The following SYN3 variants were observed in gnomAD, a reference collection of about 807,000 sequenced individuals.
The protein encoded by SYN3 is synapsin-3.
SYN3 carries 35 observed loss-of-function variants against 65.8 expected under a neutral mutation model. The observed-to-expected ratio is 0.53, with a 90% CI of 0.41 to 0.70. The LOEUF is 0.70. Ranked by LOEUF, SYN3 falls within the 30% of genes least tolerant of loss-of-function variation. The pLI, the probability that SYN3 is intolerant of heterozygous loss-of-function variation, is 0.00. For missense variants in SYN3, 680 were observed against 749.0 expected (o/e 0.91, Z 1.08); for synonymous variants, 270 against 292.9 (o/e 0.92, Z 0.80).
intron 3 of SYN3, among the ~76,000 whole-genome samples, chr22:32,969,655 G>A (rs1456681825): frequency 1.3e-5 from 2 of 152,120 alleles, no homozygotes; most frequent in African/African-American, 4.8e-5. Context: ...ATAATTTCAC[G>A]TGTGTGCTAA....
At chr22:32,734,548 G>A (rs1290031745) in intron 6 of SYN3, among the ~76,000 whole-genome samples, 1 of 138,434 alleles carries the variant, frequency 7.2e-6, no homozygotes, top group Non-Finnish European at 1.6e-5. Context: ...GCCCTGGGAG[G>A]ATGGCCCTGT....
intron 4 of SYN3, among the ~76,000 whole-genome samples, chr22:32,923,953 G>T (rs2050401731): frequency 1.1e-5 from 1 of 89,430 alleles, no homozygotes; most frequent in South Asian, 5.3e-4. Context: ...TTGGTTTTCT[G>T]TTCCTGTGTT....
At chr22:32,963,886 C>T (rs1209380589) in intron 3 of SYN3, among the ~76,000 whole-genome samples, 2 of 152,138 alleles carry the variant, frequency 1.3e-5, no homozygotes, top group Non-Finnish European at 2.9e-5. Flanking sequence ...TGGTTCTGTC[C>T]AATGAATGCA....
chr22:32,550,697 T>C (rs1243756939), intron 7 of SYN3, among the ~76,000 whole-genome samples: 1 of 88,366 alleles, frequency 1.1e-5, no homozygotes, highest in Non-Finnish European at 2.4e-5. Context: ...GGCCTAGAAA[T>C]GGCAAAAAAA....
intron 7 of SYN3, among the ~76,000 whole-genome samples, chr22:32,571,101 C>T (rs2058752937): frequency 6.6e-6 from 1 of 152,184 alleles, no homozygotes; most frequent in Non-Finnish European, 1.5e-5. Context: ...ATCATGACCA[C>T]AGTCCACTCC....
intron 4 of SYN3, among the ~76,000 whole-genome samples, chr22:32,892,799 A>G (rs967972088): frequency 7.2e-5 from 11 of 152,186 alleles, no homozygotes; most frequent in African/African-American, 2.4e-4. Context: ...GGGAGGCTGC[A>G]TGAATGCCAG....
chr22:32,575,889 C>A (rs1278446460), intron 7 of SYN3, among the ~76,000 whole-genome samples: 2 of 150,682 alleles, frequency 1.3e-5, no homozygotes, highest in Non-Finnish European at 2.9e-5. Context: ...CAAAACAAAA[C>A]AAACAAAAAA....
chr22:32,838,416 A>G (rs1252130280), intron 6 of SYN3, among the ~76,000 whole-genome samples: 1 of 152,138 alleles, frequency 6.6e-6, no homozygotes, highest in East Asian at 1.9e-4. Flanking sequence ...CCTGCAGAGG[A>G]GTCAGCAGGT....
chr22:32,676,252 G>A (rs1380441224), intron 6 of SYN3, among the ~76,000 whole-genome samples: 5 of 86 alleles, frequency 0.058, no homozygotes, highest in Admixed American at 0.25. Flanking sequence ...TCATTAAGGC[G>A]TATCCCAGGG....
intron 6 of SYN3, chr22:32,862,634 T>C (rs2048577937): frequency 6.6e-6 from 1 of 152,188 alleles, no homozygotes; most frequent in African/African-American, 2.4e-5. Flanking sequence ...ACAAACATTA[T>C]AAAAATCTGA....
chr22:32,541,728 G>A lies in SYN3; in HGVS notation c.775-15C>T, dbSNP rs1175872277. Reference sequence around the variant, plus strand: ...TCCACTTTGATCTGTGTGGGAGGATGAGGGGGATGAGTGCCACCCACCCCG... The same window carrying A: ...TCCACTTTGATCTGTGTGGGAGGATAAGGGGGATGAGTGCCACCCACCCCG... On this transcript the variant is annotated splice_polypyrimidine_tract_variant and intron_variant, in intron 7 of 13. Transcript: ENST00000358763. 6.2e-7 allele frequency: 1 copy of A among 1,611,534 alleles called. No homozygotes were observed. The highest frequency in any genetic ancestry group is 8.5e-7 in the Non-Finnish European group (1 of 1,178,476).
intron 3 of SYN3, among the ~76,000 whole-genome samples, chr22:32,954,648 T>C (rs1447584508): frequency 6.6e-6 from 1 of 152,128 alleles, no homozygotes; most frequent in Non-Finnish European, 1.5e-5. Context: ...CAGTCCATTG[T>C]TGGGGGCTAA....
At chr22:32,578,413 TTTTTTA>T (rs1321909426) in intron 7 of SYN3, among the ~76,000 whole-genome samples, 2 of 151,968 alleles carry the variant, frequency 1.3e-5, no homozygotes. Flanking sequence ...CACCTGGCAT[TTTTTTA>T]TTTTTATTTT....
intron 6 of SYN3, among the ~76,000 whole-genome samples, chr22:32,632,124 G>C (rs1256942206): frequency 6.6e-6 from 1 of 152,228 alleles, no homozygotes. Flanking sequence ...TCAATGCAGG[G>C]GTATTGGCAG....
At chr22:32,740,017 A>T (rs1602027752) in intron 6 of SYN3, among the ~76,000 whole-genome samples, 5 of 152,350 alleles carry the variant, frequency 3.3e-5, no homozygotes. Context: ...TCCAGAGGAG[A>T]GTGACAGAGG....
At chr22:32,872,530 T>A (rs11704745) in intron 4 of SYN3, among the ~76,000 whole-genome samples, 25,037 of 152,128 alleles carry the variant, frequency 0.16, 2,391 homozygotes, top group Non-Finnish European at 0.22. Flanking sequence ...AGATCTAATA[T>A]GTGAAAAATA....
At chr22:32,598,138 T>C (rs1172985353) in intron 6 of SYN3, among the ~76,000 whole-genome samples, 1 of 152,180 alleles carries the variant, frequency 6.6e-6, no homozygotes, top group Non-Finnish European at 1.5e-5. Context: ...CGGCTGTCCA[T>C]GGACAGCACT....
At chr22:32,920,691 T>C (rs1005666401) in intron 4 of SYN3, among the ~76,000 whole-genome samples, 2 of 152,192 alleles carry the variant, frequency 1.3e-5, no homozygotes, top group African/African-American at 4.8e-5. Flanking sequence ...TTTTGTGCCC[T>C]CCTGACCCCA....
At chr22:32,667,520 C>T (rs562809089) in intron 6 of SYN3, among the ~76,000 whole-genome samples, 71 of 152,200 alleles carry the variant, frequency 4.7e-4, no homozygotes, top group Admixed American at 1.4e-3. Flanking sequence ...ACCGTCTTTG[C>T]GCACTTGCTT....
Sources: allele counts gnomAD v4.1 joint callset (sites outside exome capture counted in the v4.1 genomes callset), GRCh38; gene constraint gnomAD v4.1.1; transcripts MANE v1.5; gene names NCBI Gene and HGNC (gene_info 2026-07-23, HGNC 2026-07-21).